The following MCF2L variants were observed in gnomAD, a reference collection of about 807,000 sequenced individuals.
MCF2L encodes the protein guanine nucleotide exchange factor DBS.
MCF2L carries 97 observed loss-of-function variants against 153.4 expected under a neutral mutation model. The observed-to-expected ratio is 0.63, with a 90% confidence interval of 0.54 to 0.75. The LOEUF (loss-of-function observed/expected upper bound fraction) is 0.75. Ranked by LOEUF, MCF2L falls within the 30% of genes least tolerant of loss-of-function variation. The probability of loss-of-function intolerance (pLI) is 0.00; values close to 1 mark genes in which losing one functional copy is unlikely to be tolerated. For synonymous variants in MCF2L, 659 were observed against 632.2 expected (o/e 1.04, Z -0.64); for missense variants, 1,347 against 1,495.2 (o/e 0.90, Z 1.64).
At chr13:113,019,624 G>A (rs886284470) in intron 2 of MCF2L, among the ~76,000 whole-genome samples, 1 of 152,218 alleles carries the variant, frequency 6.6e-6, no homozygotes, top group Non-Finnish European at 1.5e-5. Context: ...CAAGGAATCC[G>A]ATGGTTTCAC....
chr13:113,046,480 C>T lies in MCF2L; in HGVS notation c.369+1119C>T, dbSNP rs530168210. On this transcript the variant is annotated intron_variant, in intron 4 of 29. Coordinates refer to ENST00000535094, the MANE Select transcript of MCF2L (RefSeq NM_001112732.3). The surrounding 1 kb of genome is among the most constrained non-coding windows in gnomAD (Gnocchi z 4.4). ...GCCTTTCCTGGGTCCCGCGTTCAGA[C>T]TACCTTTGGGTTCCCCAGCCTCTCG... 7.9e-4 allele frequency: 407 copies of T among 514,674 alleles called. 2 individuals carry two copies. The highest frequency in any genetic ancestry group is 1.4e-3 in the Admixed American group (68 of 47,158). The allele number at this position is 514,674 out of a possible 1,614,324, so 31.9% of individuals were successfully genotyped here.
intron 1 of MCF2L, among the ~76,000 whole-genome samples, chr13:112,975,739 T>C (rs1456575797): frequency 6.6e-6 from 1 of 152,242 alleles, no homozygotes; most frequent in Non-Finnish European, 1.5e-5. Context: ...GTGGGGATTT[T>C]CCAGGTAAAT....
upstream of MCF2L, chr13:112,968,486 G>C (rs766423560): frequency 3.8e-6 from 6 of 1,587,582 alleles, no homozygotes; most frequent in Non-Finnish European, 4.3e-6. Flanking sequence ...GGAGAGCCCC[G>C]TGCCTGCAGC....
At chr13:113,022,734 G>A (rs1189338299) in intron 2 of MCF2L, among the ~76,000 whole-genome samples, 2 of 152,204 alleles carry the variant, frequency 1.3e-5, no homozygotes, top group East Asian at 1.9e-4. Flanking sequence ...AAGCTGAGAC[G>A]TGCGTGAGCC....
chr13:113,013,103 AC>A (rs1289518876), intron 1 of MCF2L, among the ~76,000 whole-genome samples: 1 of 152,142 alleles, frequency 6.6e-6, no homozygotes, highest in African/African-American at 2.4e-5. Context: ...AGAAAAACTT[AC>A]CGTAAAATCT....
At chr13:113,079,814 T>C (rs904760763) in intron 15 of MCF2L, among the ~76,000 whole-genome samples, 1 of 65,310 alleles carries the variant, frequency 1.5e-5, no homozygotes, top group Non-Finnish European at 3.3e-5. Context: ...GAGGAATGTC[T>C]GAATGGAGGA....
intron 1 of MCF2L, chr13:113,008,899 A>C (rs967464896): frequency 6.6e-6 from 1 of 152,156 alleles, no homozygotes; most frequent in Non-Finnish European, 1.5e-5. Context: ...GCCCGCCTGC[A>C]TCAGAGAACC....
intron 2 of MCF2L, among the ~76,000 whole-genome samples, chr13:112,939,900 T>C (rs191735033): frequency 4.4e-4 from 66 of 150,060 alleles, no homozygotes; most frequent in African/African-American, 1.5e-3. Context: ...ACTGAGGAGG[T>C]AGAGGTTGCA....
chr13:112,990,315 A>C (rs1030630987), intron 1 of MCF2L, among the ~76,000 whole-genome samples: 1 of 152,164 alleles, frequency 6.6e-6, no homozygotes, highest in African/African-American at 2.4e-5. Flanking sequence ...TTTGTTCCAA[A>C]CCCTGCAGTG....
intron 2 of MCF2L, among the ~76,000 whole-genome samples, chr13:112,913,485 G>T (rs1190348525): frequency 6.6e-6 from 1 of 152,100 alleles, no homozygotes; most frequent in Non-Finnish European, 1.5e-5. Context: ...CTTTCTTCTC[G>T]GGGACAAATG....
At chr13:113,036,803 G>A (rs2086185493) in intron 3 of MCF2L, among the ~76,000 whole-genome samples, 1 of 152,258 alleles carries the variant, frequency 6.6e-6, no homozygotes, top group South Asian at 2.1e-4. Flanking sequence ...CTGACTCTCA[G>A]AGGACTCCAA....
At chr13:113,042,281 C>T (rs1241150512) in intron 3 of MCF2L, 1 of 152,234 alleles carries the variant, frequency 6.6e-6, no homozygotes, top group Non-Finnish European at 1.5e-5. Context: ...TGCAGCTGAG[C>T]GACAGTGACT....
intron 9 of MCF2L, among the ~76,000 whole-genome samples, chr13:113,072,223 T>C (rs1249251133): frequency 2.0e-5 from 3 of 152,212 alleles, no homozygotes; most frequent in Admixed American, 6.5e-5. Flanking sequence ...GTATTTGAGA[T>C]GGTTTTTTGT....
chr13:112,985,169 T>C (rs1405951395), intron 1 of MCF2L: 1 of 321,186 alleles, frequency 3.1e-6, no homozygotes, highest in African/African-American at 2.2e-5. Flanking sequence ...TGGACCTGCA[T>C]GTAAACATCA....
chr13:112,985,359 C>T (rs1380625873), intron 1 of MCF2L: 1 of 469,666 alleles, frequency 2.1e-6, no homozygotes, highest in Non-Finnish European at 4.4e-6. Context: ...CAGCGCGCGT[C>T]CTCCCCGGCA....
At chr13:112,921,185 A>C (rs1427069811) in intron 2 of MCF2L, among the ~76,000 whole-genome samples, 1 of 152,142 alleles carries the variant, frequency 6.6e-6, no homozygotes, top group Non-Finnish European at 1.5e-5. Context: ...TCAAAAACAA[A>C]AAACAAAACA....
At chr13:113,089,589 T>G (rs2035001010) in intron 25 of MCF2L, 21 bp from the exon 26 acceptor site, 1 of 1,533,326 alleles carries the variant, frequency 6.5e-7, no homozygotes, top group African/African-American at 1.4e-5. Context: ...ATTTCCTTTT[T>G]GATTTGTCTG....
Position 113,084,026 on chromosome 13 carries a change from A to G in MCF2L, c.2020A>G (p.Thr674Ala). The G allele has an allele frequency of 1.2e-6, 2 of 1,613,968 alleles. No individual in the cohort carries two copies. Among genetic ancestry groups the G allele is most frequent in the Non-Finnish European group, 1.7e-6 (2 of 1,179,898 alleles). ...RIFLRELENY[T>A]DCPELVGRCF... ...ATTCCTCAGGGAGCTGGAAAACTAC[A>G]CTGACTGCCCAGAACTGGTTGGAAG... Residue 674 changes from threonine (T) to alanine (A), a missense_variant, in exon 18 of 30, where the codon ACT (threonine) becomes GCT (alanine). Thr to Ala is a moderately conservative substitution (Grantham distance 58, BLOSUM62 0). Transcript: ENST00000535094.
At chr13:113,055,208 A>G (rs989298877) in intron 4 of MCF2L, among the ~76,000 whole-genome samples, 1 of 152,274 alleles carries the variant, frequency 6.6e-6, no homozygotes, top group South Asian at 2.1e-4. Flanking sequence ...TCTATTTAAT[A>G]TAATGATCCA....
Sources: allele counts gnomAD v4.1 joint callset (sites outside exome capture counted in the v4.1 genomes callset), GRCh38; gene constraint gnomAD v4.1.1; non-coding constraint Gnocchi (gnomAD v3.1); transcripts MANE v1.5; gene names NCBI Gene and HGNC (gene_info 2026-07-23, HGNC 2026-07-21).